GRK1: variants seen among roughly 807,000 people sequenced by gnomAD.
GRK1 encodes G protein-coupled receptor kinase 1, also known as rhodopsin kinase GRK1.
Under a neutral mutation model 41.7 loss-of-function variants are expected in GRK1, and 28 were observed. The ratio of observed to expected loss-of-function variants is 0.67; its 90% CI spans 0.50 to 0.92. The LOEUF (loss-of-function observed/expected upper bound fraction) is 0.92, where lower values mean the gene tolerates loss of function less well. Among genes scored for constraint, GRK1 ranks in the 40% least tolerant of loss-of-function variants. The probability of loss-of-function intolerance (pLI) is 0.00; values close to 1 mark genes in which losing one functional copy is unlikely to be tolerated. For synonymous variants in GRK1, 327 were observed against 286.7 expected, an observed-to-expected ratio of 1.14 and a Z score of -1.42; for missense variants, 703 against 671.2, an observed-to-expected ratio of 1.05 and a Z score of -0.52.
chr13:113,723,936 A>T (rs2049873737), intron 4 of GRK1, among the ~76,000 whole-genome samples: 1 of 150,048 alleles, frequency 6.7e-6, no homozygotes, highest in Non-Finnish European at 1.5e-5. Flanking sequence ...ACACATGTGT[A>T]TCCGTGTGCC....
At chr13:113,733,658 T>TCTGC (rs1566699532) in intron 6 of GRK1, among the ~76,000 whole-genome samples, 1 of 99,188 alleles carries the variant, frequency 1.0e-5, no homozygotes, top group African/African-American at 5.6e-5. Context: ...CATACGTGTG[T>TCTGC]GTGCGTGTGT....
chr13:113,664,922 T>G (rs2049808121), upstream of GRK1, among the ~76,000 whole-genome samples: 1 of 152,218 alleles, frequency 6.6e-6, no homozygotes, highest in Non-Finnish European at 1.5e-5. This position sits in a 1 kb window ranked among gnomAD's most constrained non-coding sequence, Gnocchi z 5.4. Context: ...AGGGCAGGGC[T>G]GGGCCCGTGC....
At chr13:113,651,747 G>A in the GRK1 span, 1 of 1,612,490 alleles carries the variant, frequency 6.2e-7, no homozygotes, top group East Asian at 2.2e-5. Flanking sequence ...AAAAGCTTGA[G>A]CGTGGCCGCT....
At chr13:113,672,285 G>A (rs879035364) in intron 3 of GRK1, among the ~76,000 whole-genome samples, 114,111 of 151,274 alleles carry the variant, frequency 0.75, 45,669 homozygotes, top group East Asian at 0.98. Flanking sequence ...TGCGGTGTGT[G>A]TAAGTCTGAC....
chr13:113,665,101 C>G (rs1376084590), upstream of GRK1, among the ~76,000 whole-genome samples: 1 of 152,188 alleles, frequency 6.6e-6, no homozygotes, highest in African/African-American at 2.4e-5. Context: ...ACAGTTGCCT[C>G]TTCTCCCACG....
intron 4 of GRK1, 145 bp downstream of exon 4, chr13:113,723,302 A>G (rs2049868297): frequency 3.9e-6 from 2 of 510,814 alleles, no homozygotes; most frequent in Non-Finnish European, 7.2e-6. Context: ...GTGGTTGTGC[A>G]TTTGTGTGCA....
Position 113,735,294 on chromosome 13 carries a change from G to T in GRK1, c.1623G>T (p.Pro541=), listed in dbSNP as rs563832148. ...LNVWRSDGQM[P]DDMKGISGGS... is the part of the protein sequence containing the mutation. ...TGTGGCGCTCGGACGGTCAGATGCC[G>T]GACGACATGAAGGGCATCTCCGGGG... Residue 541 remains proline (P), a synonymous_variant, in exon 7 of 7, where the codon CCG becomes CCT. Transcript: ENST00000335678. The T allele has an allele frequency of 3.9e-6, 6 of 1,535,294 alleles. No individual in the cohort carries two copies. In the South Asian group the frequency reaches 7.1e-5, roughly 18 times the overall value.
At chr13:113,657,972 G>C in the GRK1 span, 3 of 1,379,928 alleles carry the variant, frequency 2.2e-6, no homozygotes, top group African/African-American at 1.4e-5. Context: ...AGCTCACCTG[G>C]AGGCTGCGTC....
chr13:113,662,933 T>TATAA (rs2049798557), upstream of GRK1, among the ~76,000 whole-genome samples: 1 of 152,252 alleles, frequency 6.6e-6, no homozygotes, highest in Non-Finnish European at 1.5e-5. Context: ...GGTAGATATA[T>TATAA]ACAAGATTAT....
the GRK1 span, among the ~76,000 whole-genome samples, chr13:113,656,648 G>A: frequency 1.6e-4 from 24 of 152,292 alleles, no homozygotes; most frequent in East Asian, 1.7e-3. Context: ...ACCTGCACCC[G>A]TCCCCCAATT....
chr13:113,733,521 A>ACG (rs1555361095), intron 6 of GRK1, among the ~76,000 whole-genome samples: 9 of 144,384 alleles, frequency 6.2e-5, no homozygotes, highest in African/African-American at 2.1e-4. Flanking sequence ...GTGTGTGTGC[A>ACG]TGTGTGCGCG....
the GRK1 span, among the ~76,000 whole-genome samples, chr13:113,652,230 C>A: frequency 6.6e-6 from 1 of 152,240 alleles, no homozygotes. Context: ...CAGTGGCCAC[C>A]ACGCCCTGCT....
chr13:113,723,983 C>T (rs866491071), intron 4 of GRK1, among the ~76,000 whole-genome samples: 1 of 149,576 alleles, frequency 6.7e-6, no homozygotes, highest in Non-Finnish European at 1.5e-5. Flanking sequence ...TATGCATGCC[C>T]GGGTCTCTGT....
chr13:113,660,955 A>G, the GRK1 span, among the ~76,000 whole-genome samples: 5 of 152,204 alleles, frequency 3.3e-5, no homozygotes, highest in Admixed American at 1.3e-4. Context: ...TGATAGAACA[A>G]CCAAATAGAA....
At chr13:113,658,783 G>T in the GRK1 span, among the ~76,000 whole-genome samples, 1 of 152,208 alleles carries the variant, frequency 6.6e-6, no homozygotes, top group Non-Finnish European at 1.5e-5. Context: ...TCCCCAGAGG[G>T]CAGTGGCACC....
chr13:113,733,909 ACAGTGTG>A lies in GRK1; in HGVS notation c.1396+826_1396+832del, dbSNP rs568045740. Among the ~76,000 whole-genome samples the A allele has an allele frequency of 8.7e-4, 50 of 57,274 alleles. No individual in the cohort carries two copies. In the East Asian group the frequency reaches 0.024, roughly 27 times the overall value. 37.6% of individuals were successfully genotyped at this position (57,274 alleles called of 152,430 possible). A position where few individuals can be genotyped will look rare whatever the true frequency, so the allele number is the denominator to read the frequency against. ...TGTGTGCGTGTGTGTATGTGTGCAT[ACAGTGTG>A]CGTGTGTGCATGTGTGCATACGTGT... On this transcript the variant is annotated intron_variant, in intron 6 of 6. Coordinates refer to ENST00000335678, the MANE Select transcript of GRK1 (RefSeq NM_002929.3).
the GRK1 span, among the ~76,000 whole-genome samples, chr13:113,657,302 C>T: frequency 4.7e-4 from 71 of 152,342 alleles, no homozygotes; most frequent in African/African-American, 1.6e-3. Context: ...CGCATCCCGA[C>T]GCCCAGGGGT....
In GRK1 at chr13:113,731,523, A is replaced by C. The variant is rs1481311731; in HGVS notation, c.1194+180A>C. ...CTCCTGGGCCATGCTGTTCTGTCTCAGTGGGTGACGCCCCCAGCCCCTGAG... is the reference window on the plus strand; with the variant it reads ...CTCCTGGGCCATGCTGTTCTGTCTCCGTGGGTGACGCCCCCAGCCCCTGAG... On this transcript the variant is annotated intron_variant, in intron 5 of 6. Coordinates refer to ENST00000335678, the MANE Select transcript of GRK1 (RefSeq NM_002929.3). This position sits in a 1 kb window ranked among gnomAD's most constrained non-coding sequence, Gnocchi z 5.6. 4.3e-6 allele frequency: 2 copies of C among 464,128 alleles called. No homozygotes were observed. The highest frequency in any genetic ancestry group is 3.1e-4 in the East Asian group (2 of 6,442). 28.8% of individuals were successfully genotyped at this position (464,128 alleles called of 1,614,324 possible).
At chr13:113,728,232 C>T (rs1185716409) in intron 4 of GRK1, among the ~76,000 whole-genome samples, 2 of 39,494 alleles carry the variant, frequency 5.1e-5, no homozygotes, top group Non-Finnish European at 1.0e-4. Context: ...GTACCCATGG[C>T]GAGGAGTACC....
Sources: gnomAD v4.1 joint callset for allele counts (sites outside exome capture counted in the v4.1 genomes callset) on GRCh38, gnomAD v4.1.1 for gene constraint, Gnocchi (gnomAD v3.1) non-coding constraint, MANE v1.5 for transcripts, NCBI Gene and HGNC (gene_info 2026-07-23, HGNC 2026-07-21) for gene names.